Variants in ZNF507 observed in about 807,000 individuals in gnomAD.
ZNF507 encodes the protein zinc finger protein 507.
Under a neutral mutation model 80.0 loss-of-function variants are expected in ZNF507, and 29 were observed. That is an observed-to-expected ratio of 0.36 (90% CI 0.27 to 0.49). The LOEUF (loss-of-function observed/expected upper bound fraction) is 0.49. Ranked by LOEUF, ZNF507 falls within the 20% of genes least tolerant of loss-of-function variation. ZNF507 has a pLI of 0.98. For missense variants in ZNF507, 1,081 were observed against 1,152.2 expected (o/e 0.94, Z 0.90); for synonymous variants, 462 against 422.5 (o/e 1.09, Z -1.15).
At chr19:32,361,198 CA>C (rs1336090339) in intron 5 of ZNF507, among the ~76,000 whole-genome samples, 2 of 152,186 alleles carry the variant, frequency 1.3e-5, no homozygotes, top group East Asian at 3.9e-4. Flanking sequence ...GTCCATTTTT[CA>C]AAATTAAGCT....
intron 5 of ZNF507, among the ~76,000 whole-genome samples, chr19:32,372,058 A>G (rs1967481435): frequency 6.6e-6 from 1 of 152,190 alleles, no homozygotes; most frequent in African/African-American, 2.4e-5. Flanking sequence ...TATAATGTCA[A>G]AAAGATCAAA....
chr19:32,363,596 G>A (rs1166338931), intron 5 of ZNF507, among the ~76,000 whole-genome samples: 1 of 152,100 alleles, frequency 6.6e-6, no homozygotes, highest in Non-Finnish European at 1.5e-5. Flanking sequence ...TGCTGCTTTT[G>A]TCGTTAATAG....
At chr19:32,351,735 T>C (rs1465301823) in intron 2 of ZNF507, among the ~76,000 whole-genome samples, 1 of 152,088 alleles carries the variant, frequency 6.6e-6, no homozygotes, top group Non-Finnish European at 1.5e-5. Flanking sequence ...TTATTGAATG[T>C]TGTGAGTAAG....
At chr19:32,369,429 G>A (rs1291546877) in intron 5 of ZNF507, among the ~76,000 whole-genome samples, 1 of 152,172 alleles carries the variant, frequency 6.6e-6, no homozygotes, top group African/African-American at 2.4e-5. Flanking sequence ...AAGCAGAATC[G>A]TGACAGGTGG....
At position 32,386,043 on chromosome 19, in the gene ZNF507, T is replaced by G. The variant is rs1375756700; in HGVS notation, c.*2960T>G. 2 of 152,252 alleles carry G rather than the reference T, an allele frequency of 1.3e-5. No individual in the cohort carries two copies. The highest frequency in any genetic ancestry group is 4.8e-5 in the African/African-American group (2 of 41,448). The allele number at this position is 152,252 out of a possible 1,614,324, so 9.4% of individuals were successfully genotyped here. On this transcript the variant is annotated 3_prime_UTR_variant, in exon 7 of 7. Transcript: ENST00000355898. Reference sequence around the variant, plus strand: ...TTCTGATCATTATAAAGAATACTTTTCAGGGCTCTATCATTTTCTCCCTTT... The same window carrying G: ...TTCTGATCATTATAAAGAATACTTTGCAGGGCTCTATCATTTTCTCCCTTT...
chr19:32,365,392 G>A (rs1270812889), intron 5 of ZNF507, among the ~76,000 whole-genome samples: 1 of 152,164 alleles, frequency 6.6e-6, no homozygotes, highest in African/African-American at 2.4e-5. Flanking sequence ...TGGGGTTTTG[G>A]TCATGAAATC....
chr19:32,347,221 A>G (rs946564115), intron 1 of ZNF507, 24 bp from the exon 2 acceptor site: 5 of 152,676 alleles, frequency 3.3e-5, no homozygotes, highest in African/African-American at 9.6e-5. Context: ...TTTTGATACT[A>G]TATACTTTCG....
rs1173503774 is a variant in ZNF507, at chr19:32,353,705, A to G, written c.875A>G (p.Asp292Gly). ...ENENEPLGLLDSSAAAAPGGV... is the reference protein window; with the variant it reads ...ENENEPLGLLGSSAAAAPGGV... ...GAAAATGAACCCCTAGGCCTGCTGG[A>G]TTCTTCAGCAGCTGCTGCGCCTGGT... The change falls in exon 3 of 7, where the codon GAT (aspartate) becomes GGT (glycine). Residue 292 changes from aspartate (D) to glycine (G), a missense_variant. Physicochemically the swap from Asp to Gly is moderately conservative, Grantham distance 94. Coordinates refer to ENST00000355898, the MANE Select transcript of ZNF507 (RefSeq NM_001136156.2). 3.1e-6 allele frequency: 5 copies of G among 1,614,096 alleles called. No homozygotes were observed. The highest frequency in any genetic ancestry group is 2.7e-5 in the African/African-American group (2 of 74,932).
In ZNF507 at chr19:32,353,695, G is replaced by C; in HGVS notation, c.865G>C (p.Gly289Arg). 6.2e-7 allele frequency: 1 copy of C among 1,614,192 alleles called. No homozygotes were observed. The highest frequency in any genetic ancestry group is 8.5e-7 in the Non-Finnish European group (1 of 1,180,046). Residue 289 changes from glycine (G) to arginine (R), a missense_variant, in exon 3 of 7, where the codon GGC becomes CGC. Gly to Arg is a moderately radical substitution (Grantham distance 125). This residue lies in a region of ZNF507 where 614 missense variants were observed against 583.9 expected (regional missense o/e 1.05). Coordinates refer to ENST00000355898, the MANE Select transcript of ZNF507 (RefSeq NM_001136156.2). ...PIFENENEPL[G>R]LLDSSAAAAP... ...CTTTGAAAATGAAAATGAACCCCTA[G>C]GCCTGCTGGATTCTTCAGCAGCTGC...
chr19:32,383,047 G>A lies in ZNF507; in HGVS notation c.2826G>A (p.Leu942=). The A allele has an allele frequency of 6.2e-7, 1 of 1,614,058 alleles. No homozygotes were observed. Among genetic ancestry groups the A allele is most frequent in the Non-Finnish European group, 8.5e-7 (1 of 1,179,976 alleles). ...EHEGEIVNII[L]NKDHNTALNT... Reference sequence around the variant, plus strand: ...AGGGTGAAATTGTAAACATCATCCTGAATAAGGACCACAATACAGCTCTAA... The same window carrying A: ...AGGGTGAAATTGTAAACATCATCCTAAATAAGGACCACAATACAGCTCTAA... The change falls in exon 7 of 7, where the codon CTG becomes CTA. Residue 942 remains leucine, a synonymous_variant. Transcript: ENST00000355898.
Position 32,382,744 on chromosome 19 carries a change from T to A in ZNF507, c.2523T>A (p.Thr841=), listed in dbSNP as rs759865608. ...TTCTGGGGAAATCCCCTGGAAAGAC[T>A]CAATTAAAGAGCAGTGAAGAGAGTG... ...GRVLGKSPGK[T]QLKSSEESAD... is the part of the protein sequence containing the mutation. Residue 841 remains threonine (T), a synonymous_variant, in exon 7 of 7, where the codon ACT becomes ACA. Transcript: ENST00000355898. 1.9e-6 allele frequency: 3 copies of A among 1,613,032 alleles called. No individual in the cohort carries two copies. The South Asian group carries it at 3.3e-5, about 18-fold the overall frequency.
Position 32,383,208 on chromosome 19 carries a change from A to G in ZNF507, c.*125A>G, listed in dbSNP as rs1174787802. 3.0e-6 allele frequency: 4 copies of G among 1,312,892 alleles called. No homozygotes were observed. Among genetic ancestry groups the G allele is most frequent in the Non-Finnish European group, 4.1e-6 (4 of 964,720 alleles). 81.3% of individuals were successfully genotyped at this position (1,312,892 alleles called of 1,614,324 possible). A position where few individuals can be genotyped will look rare whatever the true frequency, so the allele number is the denominator to read the frequency against. On this transcript the variant is annotated 3_prime_UTR_variant, in exon 7 of 7. Coordinates refer to ENST00000355898, the MANE Select transcript of ZNF507 (RefSeq NM_001136156.2). ...TTGATGTGATTTTTGAGGAAATGAC[A>G]GATGTGACTTTGGAACCAAACTTGT...
At chr19:32,366,752 T>C (rs1967404665) in intron 5 of ZNF507, among the ~76,000 whole-genome samples, 1 of 152,254 alleles carries the variant, frequency 6.6e-6, no homozygotes, top group South Asian at 2.1e-4. Context: ...TTCTTGGTAA[T>C]TGGACATGTA....
intron 5 of ZNF507, among the ~76,000 whole-genome samples, chr19:32,380,400 C>G (rs117113173): frequency 0.014 from 2,120 of 151,932 alleles, 25 homozygotes; most frequent in Non-Finnish European, 0.023. Context: ...GTTAAGTGGG[C>G]TGGTATTTCT....
At chr19:32,367,918 C>T (rs1222921809) in intron 5 of ZNF507, among the ~76,000 whole-genome samples, 1 of 152,134 alleles carries the variant, frequency 6.6e-6, no homozygotes, top group African/African-American at 2.4e-5. Context: ...GGGCCAGACC[C>T]GGTGTGCTAA....
chr19:32,346,346 T>C (rs1469115649), intron 1 of ZNF507, among the ~76,000 whole-genome samples: 1 of 152,172 alleles, frequency 6.6e-6, no homozygotes, highest in Non-Finnish European at 1.5e-5. Flanking sequence ...GGCATCGGAA[T>C]GAATGGTTTG....
In ZNF507 at chr19:32,386,398, G is replaced by A. The variant is rs1311365394; in HGVS notation, c.*3315G>A. 6.6e-6 allele frequency: 1 copy of A among 152,546 alleles called. No individual in the cohort carries two copies. Among genetic ancestry groups the A allele is most frequent in the Non-Finnish European group, 1.5e-5 (1 of 68,034 alleles). The allele number at this position is 152,546 out of a possible 1,614,324, so 9.4% of individuals were successfully genotyped here. A position where few individuals can be genotyped will look rare whatever the true frequency, so the allele number is the denominator to read the frequency against. On this transcript the variant is annotated 3_prime_UTR_variant, in exon 7 of 7. Coordinates refer to ENST00000355898, the MANE Select transcript of ZNF507 (RefSeq NM_001136156.2). ...GACACTTATTTAATCTTTTTAAATT[G>A]TACAGCAAGGTGCTCTAAGTAATAT... is the stretch of plus-strand genomic sequence containing the variant.
At position 32,353,282 on chromosome 19, in the gene ZNF507, A is replaced by C; in HGVS notation, c.452A>C (p.Asn151Thr). 6.2e-7 allele frequency: 1 copy of C among 1,614,226 alleles called. No homozygotes were observed. Among genetic ancestry groups the C allele is most frequent in the Non-Finnish European group, 8.5e-7 (1 of 1,180,042 alleles). Reference sequence around the variant, plus strand: ...CATATTAAGCAACATGGTCAGCAAAATGAAGTGATACTGATGTGCTCAGAG... The same window carrying C: ...CATATTAAGCAACATGGTCAGCAAACTGAAGTGATACTGATGTGCTCAGAG... The part of the protein sequence containing the change: ...KDHIKQHGQQ[N>T]EVILMCSECH... Residue 151 changes from asparagine (N) to threonine (T), a missense_variant, in exon 3 of 7, where the codon AAT (asparagine) becomes ACT (threonine). Asn to Thr is a moderately conservative substitution (Grantham distance 65, BLOSUM62 0). Around this residue, in one of 6 missense-constraint regions of ZNF507, gnomAD observed 275 missense variants for 303.9 expected, o/e 0.90. Transcript: ENST00000355898.
chr19:32,367,178 G>C (rs1161608287), intron 5 of ZNF507, among the ~76,000 whole-genome samples: 2 of 152,154 alleles, frequency 1.3e-5, no homozygotes, highest in African/African-American at 2.4e-5. Flanking sequence ...GCAAGAGAGA[G>C]GGGAGGAGGT....
Sources: gnomAD v4.1 joint callset for allele counts (sites outside exome capture counted in the v4.1 genomes callset) on GRCh38, gnomAD v4.1.1 for gene constraint, gnomAD v4.1.1 regional missense constraint, MANE v1.5 for transcripts, NCBI Gene and HGNC (gene_info 2026-07-23, HGNC 2026-07-21) for gene names.